The following FGD5 variants were observed in gnomAD, a reference collection of about 807,000 sequenced individuals.
The protein encoded by FGD5 is FYVE, RhoGEF and PH domain containing 5.
A neutral mutation model predicts 133.4 loss-of-function variants in FGD5; 28 were observed. That is an observed-to-expected ratio of 0.21 (90% CI 0.16 to 0.29). The LOEUF is 0.29. Ranked by LOEUF, FGD5 falls within the 10% of genes least tolerant of loss-of-function variation. The probability of loss-of-function intolerance (pLI) is 1.00; values close to 1 mark genes in which losing one functional copy is unlikely to be tolerated. For missense variants in FGD5, 1,858 were observed against 1,895.2 expected, an observed-to-expected ratio of 0.98 and a Z score of 0.36; for synonymous variants, 810 against 776.5, an observed-to-expected ratio of 1.04 and a Z score of -0.72.
chr3:14,859,512 C>A (rs1575213347), intron 1 of FGD5, among the ~76,000 whole-genome samples: 1 of 152,032 alleles, frequency 6.6e-6, no homozygotes, highest in South Asian at 2.1e-4. Flanking sequence ...TAGCAGAGAT[C>A]ACATCACACT....
intron 1 of FGD5, among the ~76,000 whole-genome samples, chr3:14,838,289 C>A (rs1370208849): frequency 2.6e-5 from 4 of 152,162 alleles, no homozygotes; most frequent in African/African-American, 9.7e-5. Flanking sequence ...CAGGCAAGTT[C>A]TCTGCTTCTA....
At chr3:14,874,845 C>T (rs1575224057) in intron 2 of FGD5, among the ~76,000 whole-genome samples, 2 of 152,230 alleles carry the variant, frequency 1.3e-5, no homozygotes, top group African/African-American at 4.8e-5. Context: ...AGCCTAACTT[C>T]AGGAACTGGA....
intron 10 of FGD5, among the ~76,000 whole-genome samples, chr3:14,908,822 G>C (rs2038387880): frequency 6.6e-6 from 1 of 151,710 alleles, no homozygotes. Context: ...AGAGGTTGCA[G>C]TGAGCCGAGA....
At position 14,922,432 on chromosome 3, in the gene FGD5, A is replaced by G. The variant is rs745542952; in HGVS notation, c.3691A>G (p.Ser1231Gly). The G allele has an allele frequency of 2.2e-4, 347 of 1,568,570 alleles. No homozygotes were observed. The highest frequency in any genetic ancestry group is 2.9e-4 in the Non-Finnish European group (341 of 1,156,872). Residue 1231 changes from serine to glycine, a missense_variant, in exon 15 of 20, where the codon AGC becomes GGC. By Grantham distance (56) the Ser-to-Gly change is moderately conservative. This residue lies in a region of FGD5 where 1,824 missense variants were observed against 1,848.9 expected (regional missense o/e 0.99). Coordinates refer to ENST00000285046, the MANE Select transcript of FGD5 (RefSeq NM_152536.4). This position sits in a 1 kb window ranked among gnomAD's most constrained non-coding sequence, Gnocchi z 4.1. ...GCAGATACGAGAGAGGCTGGGGGTTAGCCTTGGGGAGAGGCCCCCCACCCT... is the reference window on the plus strand; with the variant it reads ...GCAGATACGAGAGAGGCTGGGGGTTGGCCTTGGGGAGAGGCCCCCCACCCT... The part of the protein sequence containing the change: ...SVEIRERLGV[S>G]LGERPPTLVP...
At chr3:14,910,086 G>A (rs576085150) in intron 10 of FGD5, among the ~76,000 whole-genome samples, 52 of 151,664 alleles carry the variant, frequency 3.4e-4, no homozygotes, top group African/African-American at 1.3e-3. Flanking sequence ...TTTTCATGAA[G>A]CCAAATTTGC....
chr3:14,911,540 T>C (rs2636755), intron 11 of FGD5, among the ~76,000 whole-genome samples: 15,882 of 151,928 alleles, frequency 0.1, 1,314 homozygotes, highest in East Asian at 0.42. Flanking sequence ...CTGTCCGCCA[T>C]GGCTGCCTCT....
At chr3:14,837,179 G>A (rs2036831809) in intron 1 of FGD5, among the ~76,000 whole-genome samples, 3 of 152,294 alleles carry the variant, frequency 2.0e-5, no homozygotes, top group South Asian at 4.1e-4. Context: ...GGGGCCCTGC[G>A]TGCCCTTGCC....
chr3:14,894,802 C>T (rs2038101663), intron 4 of FGD5, among the ~76,000 whole-genome samples: 1 of 151,842 alleles, frequency 6.6e-6, no homozygotes, highest in Non-Finnish European at 1.5e-5. Context: ...TACTGTTCTC[C>T]ATAGTGGCTG....
intron 4 of FGD5, 112 bp downstream of exon 4, chr3:14,880,884 G>T: frequency 7.3e-7 from 1 of 1,372,418 alleles, no homozygotes. Flanking sequence ...CAGAGGCCTG[G>T]CAGCAGGCAG....
chr3:14,895,940 A>G (rs1471579296), intron 4 of FGD5, among the ~76,000 whole-genome samples: 1 of 152,218 alleles, frequency 6.6e-6, no homozygotes, highest in Non-Finnish European at 1.5e-5. Flanking sequence ...GCAAAGTTGC[A>G]GAATACAGAG....
intron 4 of FGD5, among the ~76,000 whole-genome samples, chr3:14,883,048 T>C (rs1040670249): frequency 1.3e-5 from 2 of 152,106 alleles, no homozygotes; most frequent in East Asian, 1.9e-4. Flanking sequence ...CATTGTGCTA[T>C]TGTTGTTGGG....
chr3:14,896,534 G>A (rs1040806102), intron 4 of FGD5, among the ~76,000 whole-genome samples: 38 of 151,928 alleles, frequency 2.5e-4, no homozygotes, highest in Middle Eastern at 3.4e-3. Flanking sequence ...GCAATGGCGC[G>A]ATCTCGGCTC....
chr3:14,814,627 C>T (rs1265124500), upstream of FGD5, among the ~76,000 whole-genome samples: 4 of 152,288 alleles, frequency 2.6e-5, no homozygotes, highest in Non-Finnish European at 5.9e-5. Context: ...CTCTGGTGAT[C>T]TCAACAGGCT....
chr3:14,934,058 A>G lies in FGD5; in HGVS notation c.*891A>G, dbSNP rs370633056. ...TTCTGTGTTTACCTCACTCAAGCTGACAACATTGTTTATGGGAATCTATCC... is the reference window on the plus strand; with the variant it reads ...TTCTGTGTTTACCTCACTCAAGCTGGCAACATTGTTTATGGGAATCTATCC... On this transcript the variant is annotated 3_prime_UTR_variant, in exon 20 of 20. Coordinates refer to ENST00000285046, the MANE Select transcript of FGD5 (RefSeq NM_152536.4). 6.6e-6 allele frequency: 1 copy of G among 152,358 alleles called. No individual in the cohort carries two copies. Among genetic ancestry groups the G allele is most frequent in the East Asian group, 1.9e-4 (1 of 5,184 alleles). 9.4% of individuals were successfully genotyped at this position (152,358 alleles called of 1,614,324 possible).
intron 1 of FGD5, among the ~76,000 whole-genome samples, chr3:14,854,685 G>A (rs1465245414): frequency 6.6e-6 from 1 of 152,126 alleles, no homozygotes; most frequent in Non-Finnish European, 1.5e-5. Context: ...CTTCCAAAGT[G>A]CTGGGATTAC....
intron 1 of FGD5, chr3:14,811,389 C>T (rs1357214512): frequency 6.6e-6 from 1 of 152,236 alleles, no homozygotes; most frequent in Admixed American, 6.5e-5. Flanking sequence ...CTTCTCTCCT[C>T]CTAGACCCCG....
Position 14,897,536 on chromosome 3 carries a change from T to G in FGD5, c.2776T>G (p.Leu926Val), listed in dbSNP as rs1318027859. The change falls in exon 5 of 20, where the codon TTG becomes GTG. Residue 926 changes from leucine (L) to valine (V), a missense_variant. Physicochemically the swap from Leu to Val is conservative, Grantham distance 32 (BLOSUM62 1). Around this residue, in one of 3 missense-constraint regions of FGD5, gnomAD observed 1,824 missense variants for 1,848.9 expected, o/e 0.99. Transcript: ENST00000285046. ...LDFHGAVMRA[L>V]DDMDHEGRDT... ...TTTCCATGGAGCTGTCATGAGGGCCTTGGATGACATGGACCATGAAGGCAG... is the reference window on the plus strand; with the variant it reads ...TTTCCATGGAGCTGTCATGAGGGCCGTGGATGACATGGACCATGAAGGCAG... 1 of 1,606,124 alleles carries G rather than the reference T, an allele frequency of 6.2e-7. No individual in the cohort carries two copies. Among genetic ancestry groups the G allele is most frequent in the African/African-American group, 1.3e-5 (1 of 74,954 alleles).
At position 14,813,284 on chromosome 3, in the gene FGD5, A is replaced by G. The variant is rs552332779; in HGVS notation, c.13+2419A>G. 1.3e-4 allele frequency among the ~76,000 whole-genome samples: 20 copies of G among 152,230 alleles called. No individual in the cohort carries two copies. The East Asian group carries it at 3.7e-3, about 28-fold the overall frequency. On this transcript the variant is annotated intron_variant, in intron 1 of 1. Transcript: ENST00000640506. Reference sequence around the variant, plus strand: ...ATCACAGAGCTGACGTATAGCAGAGATGGGATGGGAGCCCAGCCTTCCTGA... The same window carrying G: ...ATCACAGAGCTGACGTATAGCAGAGGTGGGATGGGAGCCCAGCCTTCCTGA...
chr3:14,848,639 A>G (rs2037100773), intron 1 of FGD5, among the ~76,000 whole-genome samples: 1 of 152,204 alleles, frequency 6.6e-6, no homozygotes, highest in Non-Finnish European at 1.5e-5. Context: ...GATTATACTG[A>G]TAGTATATAG....
Sources: allele counts gnomAD v4.1 joint callset (sites outside exome capture counted in the v4.1 genomes callset), GRCh38; gene constraint gnomAD v4.1.1; regional missense constraint gnomAD v4.1.1; non-coding constraint Gnocchi (gnomAD v3.1); transcripts MANE v1.5; gene names NCBI Gene and HGNC (gene_info 2026-07-23, HGNC 2026-07-21).